Variants in SLC7A11 observed in about 807,000 individuals in gnomAD.
The protein encoded by SLC7A11 is solute carrier family 7 member 11.
In SLC7A11, 35 loss-of-function variants were observed where a neutral mutation model predicts 54.5. The observed-to-expected ratio is 0.64, with a 90% CI of 0.49 to 0.85. The LOEUF (loss-of-function observed/expected upper bound fraction) is 0.85. SLC7A11 is among the 40% of genes least tolerant of loss of function. The probability of loss-of-function intolerance (pLI) is 0.00; values close to 1 mark genes in which losing one functional copy is unlikely to be tolerated. For missense variants in SLC7A11, 583 were observed against 618.1 expected (o/e 0.94, Z 0.60); for synonymous variants, 230 against 225.2 (o/e 1.02, Z -0.19).
chr4:138,174,198 T>G (rs1736508174), intron 11 of SLC7A11, among the ~76,000 whole-genome samples: 1 of 152,224 alleles, frequency 6.6e-6, no homozygotes, highest in Non-Finnish European at 1.5e-5. Flanking sequence ...GACCCCCAGA[T>G]GTCTGCTATC....
intron 10 of SLC7A11, 140 bp downstream of exon 10, chr4:138,180,501 G>A (rs897925481): frequency 2.9e-5 from 21 of 732,708 alleles, no homozygotes; most frequent in East Asian, 2.1e-4. Context: ...CAACAGGAAA[G>A]CACTGCCTGC....
chr4:138,199,962 T>C (rs1361389483), intron 6 of SLC7A11, among the ~76,000 whole-genome samples: 1 of 152,118 alleles, frequency 6.6e-6, no homozygotes, highest in Non-Finnish European at 1.5e-5. Flanking sequence ...AACACTTACA[T>C]ACATTTAAAA....
intron 11 of SLC7A11, chr4:138,174,821 AT>A (rs1319948865): frequency 6.6e-6 from 1 of 152,196 alleles, no homozygotes; most frequent in Non-Finnish European, 1.5e-5. Context: ...CAGTTGTAGT[AT>A]TTTTAGCTTT....
chr4:138,241,757 C>T lies in SLC7A11; in HGVS notation c.277+36G>A, dbSNP rs748729055. Reference sequence around the variant, plus strand: ...CCAGAAAGCAAGCTTTCCAGCCCCACAGCCACGCCCCCACGAGAGAAAAAG... The same window carrying T: ...CCAGAAAGCAAGCTTTCCAGCCCCATAGCCACGCCCCCACGAGAGAAAAAG... On this transcript the variant is annotated intron_variant, in intron 1 of 11. Transcript: ENST00000280612. 3 of 1,509,804 alleles carry T rather than the reference C, an allele frequency of 2.0e-6. No homozygotes were observed. In the South Asian group the frequency reaches 3.4e-5, roughly 17 times the overall value. 93.5% of individuals were successfully genotyped at this position (1,509,804 alleles called of 1,614,324 possible).
In SLC7A11 at chr4:138,164,306, T is replaced by A. The variant is rs1440716334; in HGVS notation, c.*7650A>T. On this transcript the variant is annotated 3_prime_UTR_variant, in exon 12 of 12. Transcript: ENST00000280612. ...CATACAAAAGCACATGCATCAAGAGTTTCCATAAGATGAAAACAAACACAC... is the reference window on the plus strand; with the variant it reads ...CATACAAAAGCACATGCATCAAGAGATTCCATAAGATGAAAACAAACACAC... 1 of 151,616 alleles carries A rather than the reference T, an allele frequency of 6.6e-6. No individual in the cohort carries two copies. Among genetic ancestry groups the A allele is most frequent in the Non-Finnish European group, 1.5e-5 (1 of 67,828 alleles). The allele number at this position is 151,616 out of a possible 1,614,324, so 9.4% of individuals were successfully genotyped here.
At chr4:138,231,905 C>T (rs376475365) in intron 3 of SLC7A11, among the ~76,000 whole-genome samples, 8 of 152,108 alleles carry the variant, frequency 5.3e-5, no homozygotes, top group Non-Finnish European at 1.2e-4. Flanking sequence ...AAAGGTAACT[C>T]CATGATTACA....
At chr4:138,218,923 C>T (rs1031891456) in intron 5 of SLC7A11, among the ~76,000 whole-genome samples, 25 of 152,238 alleles carry the variant, frequency 1.6e-4, no homozygotes, top group African/African-American at 4.8e-4. Flanking sequence ...TTTTGACAAG[C>T]GAAGTATTAT....
At chr4:138,190,996 G>T (rs952873160) in intron 6 of SLC7A11, among the ~76,000 whole-genome samples, 1 of 151,994 alleles carries the variant, frequency 6.6e-6, no homozygotes, top group Non-Finnish European at 1.5e-5. Context: ...CTACTGAGTG[G>T]GAATTTGGCT....
chr4:138,225,162 A>ATG (rs1737916259), intron 3 of SLC7A11, among the ~76,000 whole-genome samples: 2 of 145,788 alleles, frequency 1.4e-5, no homozygotes, highest in African/African-American at 5.0e-5. Context: ...ATATATATAT[A>ATG]TATATATATA....
chr4:138,201,110 T>C (rs928923982), intron 6 of SLC7A11, among the ~76,000 whole-genome samples: 1 of 152,156 alleles, frequency 6.6e-6, no homozygotes, highest in Non-Finnish European at 1.5e-5. Context: ...ACTTTGCTCA[T>C]AAAATCATAC....
intron 6 of SLC7A11, among the ~76,000 whole-genome samples, chr4:138,187,801 T>A (rs1736913591): frequency 6.6e-6 from 1 of 152,164 alleles, no homozygotes; most frequent in South Asian, 2.1e-4. Context: ...GGAAATAGAA[T>A]TTTAAAATTA....
chr4:138,184,486 T>C (rs921303306), intron 7 of SLC7A11, among the ~76,000 whole-genome samples: 1 of 152,132 alleles, frequency 6.6e-6, no homozygotes, highest in Admixed American at 6.6e-5. Context: ...AAGATGGTCC[T>C]AGTGTCAAAT....
Position 138,186,737 on chromosome 4 carries a change from C to A in SLC7A11, c.792-1493G>T, listed in dbSNP as rs1169723144. ...ATATAAAAGGATAAATGGCATAAAGCAAATTAAAGATGAATTCTGTTTCTT... is the reference window on the plus strand; with the variant it reads ...ATATAAAAGGATAAATGGCATAAAGAAAATTAAAGATGAATTCTGTTTCTT... On this transcript the variant is annotated intron_variant, in intron 6 of 11. Coordinates refer to ENST00000280612, the MANE Select transcript of SLC7A11 (RefSeq NM_014331.4). 2.0e-5 allele frequency among the ~76,000 whole-genome samples: 3 copies of A among 152,068 alleles called. No individual in the cohort carries two copies. The East Asian group carries it at 5.8e-4, about 29-fold the overall frequency.
chr4:138,186,617 G>A (rs1396011098), intron 6 of SLC7A11, among the ~76,000 whole-genome samples: 1 of 152,080 alleles, frequency 6.6e-6, no homozygotes, highest in Non-Finnish European at 1.5e-5. Context: ...TGTGAAGAGG[G>A]TCCTGTGGAA....
intron 3 of SLC7A11, among the ~76,000 whole-genome samples, chr4:138,229,589 A>G (rs1015524322): frequency 7.2e-5 from 11 of 152,222 alleles, no homozygotes; most frequent in Admixed American, 3.9e-4. Flanking sequence ...TCCGTCACCA[A>G]TGTCTACTAC....
chr4:138,213,454 G>A (rs78729305), intron 6 of SLC7A11, among the ~76,000 whole-genome samples: 1,533 of 151,612 alleles, frequency 0.01, 41 homozygotes, highest in African/African-American at 0.035. Context: ...TGATGTCCAG[G>A]CTATTTCATA....
intron 6 of SLC7A11, among the ~76,000 whole-genome samples, chr4:138,192,038 T>C (rs1037816300): frequency 6.6e-6 from 1 of 152,180 alleles, no homozygotes; most frequent in Non-Finnish European, 1.5e-5. Context: ...TAAAAAAATT[T>C]ATTATTTTCC....
Position 138,228,694 on chromosome 4 carries a change from C to G in SLC7A11, c.520+3573G>C, listed in dbSNP as rs150407209. ...GAATGGCGTGAAACCAGGAGGCAGA[C>G]CTTGCAGTGAGCCAAGATCATGCCA... On this transcript the variant is annotated intron_variant, in intron 3 of 11. Coordinates refer to ENST00000280612, the MANE Select transcript of SLC7A11 (RefSeq NM_014331.4). Among the ~76,000 whole-genome samples the G allele has an allele frequency of 2.4e-3, 341 of 140,460 alleles. 2 individuals carry two copies. The highest frequency in any genetic ancestry group is 8.8e-3 in the African/African-American group (331 of 37,488). The allele number at this position is 140,460 out of a possible 152,430, so 92.1% of individuals were successfully genotyped here. A position where few individuals can be genotyped will look rare whatever the true frequency, so the allele number is the denominator to read the frequency against.
chr4:138,196,867 C>T lies in SLC7A11; in HGVS notation c.792-11623G>A, dbSNP rs1395307547. ...TAGAGACAGGGTTTCACCATGTTGG[C>T]CAGGCTGGTCTCAAGCTCTTGACCT... On this transcript the variant is annotated intron_variant, in intron 6 of 11. Transcript: ENST00000280612. Among the ~76,000 whole-genome samples the T allele has an allele frequency of 3.9e-5, 6 of 152,182 alleles. No homozygotes were observed. The East Asian group carries it at 1.2e-3, about 29-fold the overall frequency.
Sources: gnomAD v4.1 joint callset for allele counts (sites outside exome capture counted in the v4.1 genomes callset) on GRCh38, gnomAD v4.1.1 for gene constraint, MANE v1.5 for transcripts, NCBI Gene and HGNC (gene_info 2026-07-23, HGNC 2026-07-21) for gene names.